Variants in UMODL1 observed in about 807,000 individuals in gnomAD.
The protein encoded by UMODL1 is uromodulin-like 1.
A neutral mutation model predicts 136.3 loss-of-function variants in UMODL1; 128 were observed. The ratio of observed to expected loss-of-function variants is 0.94; its 90% CI spans 0.81 to 1.09. The LOEUF (loss-of-function observed/expected upper bound fraction) is 1.09, where lower values mean the gene tolerates loss of function less well. Among genes scored for constraint, UMODL1 ranks in the 50% least tolerant of loss-of-function variants. The pLI is 0.00. For synonymous variants in UMODL1, 721 were observed against 720.0 expected (o/e 1.00, Z -0.02); for missense variants, 1,766 against 1,725.6 (o/e 1.02, Z -0.41).
chr21:42,065,142 T>C (rs972975126), intron 1 of UMODL1, among the ~76,000 whole-genome samples: 18 of 152,300 alleles, frequency 1.2e-4, no homozygotes, highest in African/African-American at 2.2e-4. Flanking sequence ...CCTTGGGACA[T>C]TGGTGTTTTC....
intron 14 of UMODL1, among the ~76,000 whole-genome samples, chr21:42,118,887 G>C (rs563118855): frequency 1.0e-3 from 159 of 152,296 alleles, no homozygotes; most frequent in African/African-American, 3.6e-3. Context: ...ACTGGTTTGG[G>C]GGGGGAAACA....
At chr21:42,102,310 T>A in intron 8 of UMODL1, 32 bp downstream of exon 8, 1 of 1,514,058 alleles carries the variant, frequency 6.6e-7, no homozygotes, top group Non-Finnish European at 9.1e-7. Context: ...AAATCTTTTC[T>A]TGGGTGTTCT....
chr21:42,130,558 A>G (rs1300207442), intron 21 of UMODL1, among the ~76,000 whole-genome samples: 2 of 152,172 alleles, frequency 1.3e-5, no homozygotes, highest in Non-Finnish European at 2.9e-5. Context: ...TTGCTGGTAC[A>G]TGGCTGCCAG....
chr21:42,126,109 C>T (rs991128207), intron 17 of UMODL1, among the ~76,000 whole-genome samples: 6 of 152,330 alleles, frequency 3.9e-5, no homozygotes, highest in African/African-American at 7.2e-5. Flanking sequence ...GCAGCTGCCA[C>T]GGAATCCCCA....
At chr21:42,084,965 A>G (rs950876853) in intron 3 of UMODL1, among the ~76,000 whole-genome samples, 4 of 149,566 alleles carry the variant, frequency 2.7e-5, no homozygotes, top group African/African-American at 5.1e-5. Flanking sequence ...TCAACATACT[A>G]TGACAGTATA....
intron 2 of UMODL1, among the ~76,000 whole-genome samples, chr21:42,077,557 T>C: frequency 6.6e-6 from 1 of 152,262 alleles, no homozygotes; most frequent in East Asian, 1.9e-4. Flanking sequence ...TTAAGACTAT[T>C]ACAAGGTGAT....
chr21:42,118,916 C>T (rs2066933026), intron 14 of UMODL1, among the ~76,000 whole-genome samples, 195 bp from the exon 15 acceptor site: 1 of 152,212 alleles, frequency 6.6e-6, no homozygotes, highest in Non-Finnish European at 1.5e-5. Context: ...TCTCATATCA[C>T]AGACACTCCC....
intron 1 of UMODL1, among the ~76,000 whole-genome samples, chr21:42,065,633 G>A (rs1170936494): frequency 6.6e-6 from 1 of 151,896 alleles, no homozygotes; most frequent in Non-Finnish European, 1.5e-5. Flanking sequence ...CGACTCCCTG[G>A]TTCAAGCGAT....
chr21:42,099,901 A>G lies in UMODL1; in HGVS notation c.1186+721A>G, dbSNP rs1047266379. On this transcript the variant is annotated intron_variant, in intron 7 of 22. Coordinates refer to ENST00000408910, the MANE Select transcript of UMODL1 (RefSeq NM_001004416.3). This position sits in a 1 kb window ranked among gnomAD's most constrained non-coding sequence, Gnocchi z 4.1. Reference sequence around the variant, plus strand: ...TTGCCATGTTGCTCAGGCTGGTGTCAAACTCCTGGGCTCAAGTGATCTCAG... The same window carrying G: ...TTGCCATGTTGCTCAGGCTGGTGTCGAACTCCTGGGCTCAAGTGATCTCAG... Among the ~76,000 whole-genome samples, 1 of 152,126 alleles carries G rather than the reference A, an allele frequency of 6.6e-6. No homozygotes were observed. Among genetic ancestry groups the G allele is most frequent in the Admixed American group, 6.5e-5 (1 of 15,270 alleles).
rs749980330 is a variant in UMODL1 at position 42,110,949 on chromosome 21, C to T, written c.1727C>T (p.Thr576Met). The T allele has an allele frequency of 4.5e-5, 72 of 1,612,982 alleles. No individual in the cohort carries two copies. The highest frequency in any genetic ancestry group is 8.8e-5 in the South Asian group (8 of 90,764). The change falls in exon 11 of 23, where the codon ACG becomes ATG. Residue 576 changes from threonine to methionine, a missense_variant. Coordinates refer to ENST00000408910, the MANE Select transcript of UMODL1 (RefSeq NM_001004416.3). Reference protein sequence around the residue: ...ATGVTVPGLGTGTAALGLENF... With the variant: ...ATGVTVPGLGMGTAALGLENF... ...GGGGTAACGGTCCCAGGTCTTGGCA[C>T]GGGAACAGCAGCCCTCGGCCTAGAG...
At chr21:42,120,983 G>C in intron 15 of UMODL1, 104 bp from the exon 16 acceptor site, 1 of 1,433,600 alleles carries the variant, frequency 7.0e-7, no homozygotes, top group Non-Finnish European at 9.4e-7. Flanking sequence ...TGTGGCTGGA[G>C]TTTCCAGCTT....
At chr21:42,108,581 C>G (rs1601232581) in intron 9 of UMODL1, 1 of 346,966 alleles carries the variant, frequency 2.9e-6, no homozygotes, top group East Asian at 7.5e-5. Context: ...ATTGGAACTT[C>G]TCTGGCATGC....
chr21:42,113,720 A>G lies in UMODL1; in HGVS notation c.2252A>G (p.Asn751Ser). The change falls in exon 13 of 23, where the codon AAC becomes AGC. Residue 751 changes from asparagine to serine, a missense_variant. Asn to Ser is a conservative substitution (Grantham distance 46). Coordinates refer to ENST00000408910, the MANE Select transcript of UMODL1 (RefSeq NM_001004416.3). ...WSPAVVLETW[N>S]TSVTLSGLEP... ...CCTGCTGTGGTCCTAGAGACCTGGA[A>G]CACGAGTGTGACACTGTCGGGGCTG... The G allele has an allele frequency of 6.2e-7, 1 of 1,614,078 alleles. No individual in the cohort carries two copies. The highest frequency in any genetic ancestry group is 8.5e-7 in the Non-Finnish European group (1 of 1,180,014).
intron 9 of UMODL1, among the ~76,000 whole-genome samples, chr21:42,108,935 C>G (rs1476128233): frequency 1.7e-5 from 1 of 58,656 alleles, no homozygotes; most frequent in Non-Finnish European, 3.1e-5. Context: ...GAGAGAAGTC[C>G]ATGTTATACT....
At chr21:42,095,659 G>A (rs750277866) in intron 6 of UMODL1, among the ~76,000 whole-genome samples, 1 of 152,160 alleles carries the variant, frequency 6.6e-6, no homozygotes, top group African/African-American at 2.4e-5. Context: ...TGATATCTTT[G>A]AAGCTCATTA....
Position 42,076,047 on chromosome 21 carries a change from G to T in UMODL1, c.119G>T (p.Arg40Leu), listed in dbSNP as rs780511116. The change falls in exon 2 of 23, where the codon CGT becomes CTT. Residue 40 changes from arginine to leucine, a missense_variant. Coordinates refer to ENST00000408910, the MANE Select transcript of UMODL1 (RefSeq NM_001004416.3). ...TTGGGCTACCAGCTATGCAGCCACC[G>T]TGTGACCCACACTGTACAGAAGGTG... The part of the protein sequence containing the change: ...SLLGYQLCSH[R>L]VTHTVQKVEA... 7 of 1,614,096 alleles carry T rather than the reference G, an allele frequency of 4.3e-6. No homozygotes were observed. The highest frequency in any genetic ancestry group is 5.9e-6 in the Non-Finnish European group (7 of 1,180,038).
intron 22 of UMODL1, among the ~76,000 whole-genome samples, chr21:42,141,825 C>T (rs1229629906): frequency 1.3e-5 from 2 of 152,058 alleles, no homozygotes; most frequent in African/African-American, 4.8e-5. Flanking sequence ...GCTCGTCTGG[C>T]TCAGGTATCT....
Position 42,090,396 on chromosome 21 carries a change from G to T in UMODL1, c.889G>T (p.Ala297Ser). 1 of 1,614,074 alleles carries T rather than the reference G, an allele frequency of 6.2e-7. No homozygotes were observed. Among genetic ancestry groups the T allele is most frequent in the Non-Finnish European group, 8.5e-7 (1 of 1,179,950 alleles). ...GSYWCVCHQE[A>S]PATSPRKLNL... is the part of the protein sequence containing the mutation. ...GTACTGGTGCGTCTGTCACCAGGAA[G>T]CTCCAGCCACGTCTCCACGGAAGCT... is the stretch of plus-strand genomic sequence containing the variant. Residue 297 changes from alanine (A) to serine (S), a missense_variant, in exon 6 of 23, where the codon GCT (alanine) becomes TCT (serine). By Grantham distance (99) the Ala-to-Ser change is moderately conservative. Transcript: ENST00000408910.
At position 42,104,067 on chromosome 21, in the gene UMODL1, G is replaced by A. The variant is rs556085261; in HGVS notation, c.1499G>A (p.Arg500Gln). ...LLASTVFQID[R>Q]QGTRVQDWDE... is the part of the protein sequence containing the mutation. ...GCAAGCACAGTGTTCCAGATTGACC[G>A]GCAGGGGACACGCGTGCAAGGTATG... Residue 500 changes from arginine to glutamine, a missense_variant, in exon 9 of 23, where the codon CGG becomes CAG. Transcript: ENST00000408910. The A allele has an allele frequency of 3.3e-5, 54 of 1,612,530 alleles. No individual in the cohort carries two copies. The highest frequency in any genetic ancestry group is 2.1e-4 in the African/African-American group (16 of 75,026).
Sources: allele counts gnomAD v4.1 joint callset (sites outside exome capture counted in the v4.1 genomes callset), GRCh38; gene constraint gnomAD v4.1.1; non-coding constraint Gnocchi (gnomAD v3.1); transcripts MANE v1.5; gene names NCBI Gene and HGNC (gene_info 2026-07-23, HGNC 2026-07-21).